WDR76: variants seen among roughly 807,000 people sequenced by gnomAD.
The protein encoded by WDR76 is WD repeat domain 76.
WDR76 carries 52 observed loss-of-function variants against 70.2 expected under a neutral mutation model. That is an observed-to-expected ratio of 0.74 (90% confidence interval 0.59 to 0.93). The LOEUF is 0.93. Among genes scored for constraint, WDR76 ranks in the 40% least tolerant of loss-of-function variants. The probability of loss-of-function intolerance (pLI) is 0.00; values close to 1 mark genes in which losing one functional copy is unlikely to be tolerated. For synonymous variants in WDR76, 292 were observed against 271.1 expected, an observed-to-expected ratio of 1.08 and a Z score of -0.76; for missense variants, 756 against 760.2, an observed-to-expected ratio of 0.99 and a Z score of 0.07.
intron 12 of WDR76, among the ~76,000 whole-genome samples, chr15:43,862,199 A>C (rs957493158): frequency 2.1e-5 from 3 of 144,404 alleles, no homozygotes; most frequent in Non-Finnish European, 3.0e-5. Context: ...CCTCTTTGTC[A>C]CTATTTATGA....
Position 43,827,044 on chromosome 15 carries a change from GGGCGC to G in WDR76, c.17_21del (p.Ala6GlyfsTer2), listed in dbSNP as rs772001489. 1 of 1,614,080 alleles carries G rather than the reference GGGCGC, an allele frequency of 6.2e-7. No individual in the cohort carries two copies. Among genetic ancestry groups the G allele is most frequent in the East Asian group, 2.2e-5 (1 of 44,884 alleles). ...TAAGAAGCCGAAAGATGTCCAGGTCGGGCGCGGCGGCTGAGAAGGCGGACTCCAGA... is the reference window on the plus strand; with the variant it reads ...TAAGAAGCCGAAAGATGTCCAGGTCGGGCGGCTGAGAAGGCGGACTCCAGA... On this transcript the variant is annotated frameshift_variant, in exon 1 of 13. Coordinates refer to ENST00000263795, the MANE Select transcript of WDR76 (RefSeq NM_024908.4). LOFTEE classifies it high-confidence loss of function.
At chr15:43,827,310 T>A (rs1206381625) in intron 1 of WDR76, among the ~76,000 whole-genome samples, 1 of 152,162 alleles carries the variant, frequency 6.6e-6, no homozygotes, top group Non-Finnish European at 1.5e-5. Flanking sequence ...CCTTCTGCGT[T>A]TTCTTCTGCC....
chr15:43,865,119 A>G (rs1468574420), intron 12 of WDR76, among the ~76,000 whole-genome samples: 2 of 146,712 alleles, frequency 1.4e-5, no homozygotes, highest in African/African-American at 2.5e-5. Context: ...TTTTTGAGAC[A>G]GAATCTCACT....
Position 43,858,654 on chromosome 15 carries a change from T to C in WDR76, c.1410-17T>C. 6.2e-7 allele frequency: 1 copy of C among 1,612,226 alleles called. No homozygotes were observed. Among genetic ancestry groups the C allele is most frequent in the Non-Finnish European group, 8.5e-7 (1 of 1,179,144 alleles). On this transcript the variant is annotated splice_polypyrimidine_tract_variant and intron_variant, in intron 10 of 12. Transcript: ENST00000263795. ...CATGTACTATGGCAACATTGATCAT[T>C]GTTTCTCCCATTACAGGGATACTCA...
intron 8 of WDR76, among the ~76,000 whole-genome samples, chr15:43,845,444 A>G (rs2087776755): frequency 6.7e-6 from 1 of 150,202 alleles, no homozygotes; most frequent in Admixed American, 6.6e-5. Flanking sequence ...CCCTTCTACC[A>G]TATGAGGACA....
chr15:43,854,701 C>T (rs534010711), intron 9 of WDR76, among the ~76,000 whole-genome samples: 13 of 152,206 alleles, frequency 8.5e-5, no homozygotes, highest in African/African-American at 2.4e-4. Context: ...GTAATCCCAG[C>T]GCTTTGGGAG....
At chr15:43,830,864 T>A (rs2087578679) in intron 2 of WDR76, among the ~76,000 whole-genome samples, 1 of 151,896 alleles carries the variant, frequency 6.6e-6, no homozygotes, top group Non-Finnish European at 1.5e-5. Context: ...CTGGCCAACA[T>A]GGTGAAAGCC....
chr15:43,862,024 G>T (rs946215369), intron 12 of WDR76, among the ~76,000 whole-genome samples: 1 of 151,544 alleles, frequency 6.6e-6, no homozygotes, highest in Admixed American at 6.6e-5. Flanking sequence ...CTTTAGTAGC[G>T]ACGGGGTTTC....
At chr15:43,860,108 G>A (rs1284098273) in intron 11 of WDR76, among the ~76,000 whole-genome samples, 1 of 152,130 alleles carries the variant, frequency 6.6e-6, no homozygotes, top group Non-Finnish European at 1.5e-5. Context: ...AGCCAGATAT[G>A]GTAGTGTGTA....
chr15:43,837,194 A>C (rs1029508045), intron 4 of WDR76, among the ~76,000 whole-genome samples: 2 of 152,190 alleles, frequency 1.3e-5, no homozygotes, highest in Non-Finnish European at 2.9e-5. Flanking sequence ...AGAAACTAAA[A>C]TCTTGGTATC....
chr15:43,853,619 A>G (rs2087890095), intron 9 of WDR76, among the ~76,000 whole-genome samples: 1 of 152,052 alleles, frequency 6.6e-6, no homozygotes, highest in Non-Finnish European at 1.5e-5. Flanking sequence ...AAGAAACACA[A>G]ATGGCACCGG....
Position 43,867,395 on chromosome 15 carries a change from A to T in WDR76, c.*1003A>T, listed in dbSNP as rs2088087437. 1 of 152,210 alleles carries T rather than the reference A, an allele frequency of 6.6e-6. No homozygotes were observed. The highest frequency in any genetic ancestry group is 1.5e-5 in the Non-Finnish European group (1 of 68,038). The allele number at this position is 152,210 out of a possible 1,614,324, so 9.4% of individuals were successfully genotyped here. A position where few individuals can be genotyped will look rare whatever the true frequency, so the allele number is the denominator to read the frequency against. On this transcript the variant is annotated 3_prime_UTR_variant, in exon 13 of 13. Coordinates refer to ENST00000263795, the MANE Select transcript of WDR76 (RefSeq NM_024908.4). ...TTCAGACTGGGTTTTTGCTCTTCAC[A>T]TGAAATCAAGTTAGATGACAATGAC...
chr15:43,827,204 G>A, intron 1 of WDR76, 112 bp downstream of exon 1: 5 of 1,389,030 alleles, frequency 3.6e-6, no homozygotes, highest in Non-Finnish European at 5.0e-6. Flanking sequence ...GGTAGGCGGG[G>A]GATCCCTGCC....
At chr15:43,835,660 CTTT>C (rs67060323) in intron 3 of WDR76, among the ~76,000 whole-genome samples, 6 of 140,750 alleles carry the variant, frequency 4.3e-5, no homozygotes, top group East Asian at 2.1e-4. Context: ...TTTTTTTTGT[CTTT>C]TTTTTTTTTT....
At chr15:43,842,283 C>A in intron 5 of WDR76, 132 bp from the exon 6 acceptor site, 1 of 688,382 alleles carries the variant, frequency 1.5e-6, no homozygotes, top group Non-Finnish European at 2.5e-6. Flanking sequence ...TTTTGAATGT[C>A]CATGATATGC....
Position 43,866,250 on chromosome 15 carries a change from C to CA in WDR76, c.1740dup (p.Gly581ArgfsTer32). On this transcript the variant is annotated frameshift_variant, in exon 13 of 13. Coordinates refer to ENST00000263795, the MANE Select transcript of WDR76 (RefSeq NM_024908.4). LOFTEE classifies it high-confidence loss of function. ...CGACGGGTAGAAATCTTCCATGAGACAGGAAAGAGGGTGCATTCGTTTGGT... is the reference window on the plus strand; with the variant it reads ...CGACGGGTAGAAATCTTCCATGAGACAAGGAAAGAGGGTGCATTCGTTTGGT... 1.9e-6 allele frequency: 3 copies of CA among 1,614,142 alleles called. No homozygotes were observed. The highest frequency in any genetic ancestry group is 2.2e-5 in the South Asian group (2 of 91,080).
intron 8 of WDR76, among the ~76,000 whole-genome samples, chr15:43,846,325 G>T (rs1222847202): frequency 6.8e-6 from 1 of 146,242 alleles, no homozygotes; most frequent in African/African-American, 2.5e-5. Flanking sequence ...CCACTCTGTT[G>T]CCCAGGCTGG....
At chr15:43,827,438 T>C (rs193089256) in intron 1 of WDR76, among the ~76,000 whole-genome samples, 2 of 152,338 alleles carry the variant, frequency 1.3e-5, no homozygotes, top group Admixed American at 6.5e-5. Context: ...GGAAAACTTA[T>C]GGGCAAATGT....
At chr15:43,839,858 G>C (rs544654095) in intron 5 of WDR76, 130 bp downstream of exon 5, 430 of 1,181,826 alleles carry the variant, frequency 3.6e-4, no homozygotes, top group Non-Finnish European at 4.4e-4. Flanking sequence ...ATGTTGTATG[G>C]TTTTGTTTTG....
Sources: gnomAD v4.1 joint callset for allele counts (sites outside exome capture counted in the v4.1 genomes callset) on GRCh38, gnomAD v4.1.1 for gene constraint, MANE v1.5 for transcripts, NCBI Gene and HGNC (gene_info 2026-07-23, HGNC 2026-07-21) for gene names.